The following MEI1 variants were observed in gnomAD, a reference collection of about 807,000 sequenced individuals.
MEI1 encodes meiotic double-stranded break formation protein 1.
In MEI1, 103 loss-of-function variants were observed where a neutral mutation model predicts 146.2. The ratio of observed to expected loss-of-function variants is 0.70; its 90% CI spans 0.60 to 0.83. The LOEUF (loss-of-function observed/expected upper bound fraction) is 0.83. MEI1 is among the 40% of genes least tolerant of loss of function. MEI1 has a pLI of 0.00. For synonymous variants in MEI1, 652 were observed against 628.2 expected, an observed-to-expected ratio of 1.04 and a Z score of -0.57; for missense variants, 1,529 against 1,533.0, an observed-to-expected ratio of 1.00 and a Z score of 0.04.
chr22:41,728,046 T>C (rs1352263326), intron 7 of MEI1, among the ~76,000 whole-genome samples: 1 of 152,178 alleles, frequency 6.6e-6, no homozygotes, highest in Non-Finnish European at 1.5e-5. Flanking sequence ...CAGACCCACA[T>C]ATACTCAAGT....
intron 2 of MEI1, among the ~76,000 whole-genome samples, chr22:41,704,572 C>T (rs1451623751): frequency 6.6e-6 from 1 of 152,072 alleles, no homozygotes. Flanking sequence ...TGCCACCATG[C>T]CCGGCCAATT....
intron 11 of MEI1, among the ~76,000 whole-genome samples, chr22:41,742,087 T>C (rs567117948): frequency 3.3e-5 from 5 of 150,814 alleles, no homozygotes; most frequent in Admixed American, 6.6e-5. Flanking sequence ...TGGTGAAATC[T>C]CATCTCTACT....
chr22:41,781,337 T>C lies in MEI1; in HGVS notation c.2869T>C (p.Ser957Pro), dbSNP rs2075748154. 6.2e-7 allele frequency: 1 copy of C among 1,613,474 alleles called. No individual in the cohort carries two copies. Among genetic ancestry groups the C allele is most frequent in the African/African-American group, 1.3e-5 (1 of 74,904 alleles). ...SPTDVDILQP[S>P]FNFLYWSLHQ... ...CACTGACGTGGACATCCTGCAGCCC[T>C]CCTTCAACTTCCTGTATTGGAGCCT... Residue 957 changes from serine (S) to proline (P), a missense_variant, in exon 23 of 31, where the codon TCC becomes CCC. Physicochemically the swap from Ser to Pro is moderately conservative, Grantham distance 74 (BLOSUM62 -1). Around this residue, in one of 3 missense-constraint regions of MEI1, gnomAD observed 1,212 missense variants for 1,178.9 expected, o/e 1.03. Coordinates refer to ENST00000401548, the MANE Select transcript of MEI1 (RefSeq NM_152513.4).
At chr22:41,703,542 G>T (rs2068865992) in intron 2 of MEI1, 88 bp downstream of exon 2, 2 of 1,258,568 alleles carry the variant, frequency 1.6e-6, no homozygotes, top group Non-Finnish European at 2.1e-6. Flanking sequence ...GATCTTAGAT[G>T]ATTTAGGTTT....
chr22:41,772,877 A>G (rs6002476), intron 20 of MEI1, among the ~76,000 whole-genome samples: 19 of 151,992 alleles, frequency 1.3e-4, no homozygotes, highest in South Asian at 8.3e-4. Context: ...GCTCATACCC[A>G]TGAAGTCAAC....
At chr22:41,746,283 A>C (rs2073283785) in intron 14 of MEI1, among the ~76,000 whole-genome samples, 1 of 152,186 alleles carries the variant, frequency 6.6e-6, no homozygotes, top group African/African-American at 2.4e-5. Context: ...ATGGAGTGGA[A>C]AGTGCCTAAT....
Position 41,795,579 on chromosome 22 carries a change from G to T in MEI1, c.3666+37G>T, listed in dbSNP as rs781731634. The T allele has an allele frequency of 1.2e-6, 2 of 1,612,720 alleles. No individual in the cohort carries two copies. The highest frequency in any genetic ancestry group is 3.3e-5 in the Admixed American group (2 of 59,910). On this transcript the variant is annotated intron_variant, in intron 29 of 30. Coordinates refer to ENST00000401548, the MANE Select transcript of MEI1 (RefSeq NM_152513.4). This position sits in a 1 kb window ranked among gnomAD's most constrained non-coding sequence, Gnocchi z 4.2. Reference sequence around the variant, plus strand: ...GGGGAGGCCATGCAGCCACTGTAAAGCTAGACCCTCAACACCATCTTCTCT... The same window carrying T: ...GGGGAGGCCATGCAGCCACTGTAAATCTAGACCCTCAACACCATCTTCTCT...
chr22:41,729,781 T>A lies in MEI1; in HGVS notation c.979+2T>A. The A allele has an allele frequency of 6.3e-7, 1 of 1,595,328 alleles. No homozygotes were observed. The highest frequency in any genetic ancestry group is 8.5e-7 in the Non-Finnish European group (1 of 1,170,090). ...CCTTCATCCACGCTGACATCCCAGG[T>A]AGGGGAACACTTCTAACCTTCTCCT... is the stretch of plus-strand genomic sequence containing the variant. On this transcript the variant is annotated splice_donor_variant, in intron 8 of 30. Transcript: ENST00000401548. LOFTEE classifies it high-confidence loss of function.
At chr22:41,718,661 A>T (rs2070439784) in intron 6 of MEI1, among the ~76,000 whole-genome samples, 2 of 152,282 alleles carry the variant, frequency 1.3e-5, no homozygotes, top group South Asian at 4.1e-4. Flanking sequence ...AGTGCATTTT[A>T]TGCTGCTATA....
intron 26 of MEI1, among the ~76,000 whole-genome samples, chr22:41,789,851 G>C (rs2076114114): frequency 6.6e-6 from 1 of 152,212 alleles, no homozygotes; most frequent in Admixed American, 6.5e-5. Flanking sequence ...CTTATGGGAG[G>C]GTATTGCTGA....
Position 41,754,406 on chromosome 22 carries a change from A to C in MEI1, c.1951+360A>C, listed in dbSNP as rs565490770. ...GTTCTATTTCTTCATTCATTCAAGT[A>C]GTGTTTCTTTTTTCTTTTTCTTTTT... On this transcript the variant is annotated intron_variant, in intron 17 of 30. Coordinates refer to ENST00000401548, the MANE Select transcript of MEI1 (RefSeq NM_152513.4). Among the ~76,000 whole-genome samples the C allele has an allele frequency of 5.0e-3, 740 of 148,702 alleles. 8 individuals are homozygous for C. The highest frequency in any genetic ancestry group is 0.017 in the African/African-American group (645 of 38,200).
At chr22:41,787,010 C>A (rs1293574074) in intron 26 of MEI1, among the ~76,000 whole-genome samples, 1 of 152,190 alleles carries the variant, frequency 6.6e-6, no homozygotes, top group African/African-American at 2.4e-5. Context: ...TGTGGCACAT[C>A]CTTGCACAAG....
At chr22:41,701,372 TGTAATCCCAGCACTTTGGGAGGC>T in intron 1 of MEI1, among the ~76,000 whole-genome samples, 1 of 152,120 alleles carries the variant, frequency 6.6e-6, no homozygotes, top group Non-Finnish European at 1.5e-5. Flanking sequence ...GGCTCACACC[TGTAATCCCAGCACTTTGGGAGGC>T]CGAGGTGGTT....
intron 14 of MEI1, chr22:41,747,328 A>G (rs1049682762): frequency 3.9e-5 from 6 of 152,814 alleles, no homozygotes; most frequent in African/African-American, 1.2e-4. Context: ...TCTGAGTGCA[A>G]TGGTATTTAC....
intron 10 of MEI1, 48 bp from the exon 11 acceptor site, chr22:41,732,421 G>A (rs757806759): frequency 6.2e-6 from 10 of 1,613,656 alleles, no homozygotes; most frequent in Non-Finnish European, 8.5e-6. Flanking sequence ...TCCTGGTGGG[G>A]TCAGTGAGAA....
rs1163619311 is a variant in MEI1, at chr22:41,745,019, G to C, written c.1493G>C (p.Gly498Ala). The C allele has an allele frequency of 1.4e-5, 22 of 1,566,514 alleles. No individual in the cohort carries two copies. Among genetic ancestry groups the C allele is most frequent in the Non-Finnish European group, 1.8e-5 (21 of 1,154,968 alleles). Residue 498 changes from glycine (G) to alanine (A), a missense_variant, in exon 13 of 31, where the codon GGA becomes GCA. Gly to Ala is a moderately conservative substitution (Grantham distance 60, BLOSUM62 0). This residue lies in a region of MEI1 where 1,212 missense variants were observed against 1,178.9 expected (regional missense o/e 1.03). Transcript: ENST00000401548. ...RDSEKAILQR[G>A]KFLLSTLEGF... The stretch of plus-strand genomic sequence containing the variant: ...TCAGAGAAGGCCATTCTTCAAAGGG[G>C]AAAGTTCCTCCTCAGCACTCTGGAG...
At chr22:41,728,049 A>G (rs1231042195) in intron 7 of MEI1, among the ~76,000 whole-genome samples, 1 of 152,062 alleles carries the variant, frequency 6.6e-6, no homozygotes, top group African/African-American at 2.4e-5. Context: ...ACCCACATAT[A>G]CTCAAGTCCT....
chr22:41,716,713 C>T (rs138928937), intron 5 of MEI1, among the ~76,000 whole-genome samples: 2,165 of 108,836 alleles, frequency 0.02, 45 homozygotes, highest in Admixed American at 0.084. Flanking sequence ...TTCCCTGAGA[C>T]GAGTCTTGCT....
chr22:41,751,727 G>T (rs12170837), intron 15 of MEI1, among the ~76,000 whole-genome samples: 1 of 144,556 alleles, frequency 6.9e-6, no homozygotes, highest in African/African-American at 2.6e-5. Flanking sequence ...AGCCAAGATC[G>T]TGCCATTGCA....
Sources: allele counts gnomAD v4.1 joint callset (sites outside exome capture counted in the v4.1 genomes callset), GRCh38; gene constraint gnomAD v4.1.1; regional missense constraint gnomAD v4.1.1; non-coding constraint Gnocchi (gnomAD v3.1); transcripts MANE v1.5; gene names NCBI Gene and HGNC (gene_info 2026-07-23, HGNC 2026-07-21).